The following STXBP4 variants were observed in gnomAD, a reference collection of about 807,000 sequenced individuals.
STXBP4 encodes the protein syntaxin-binding protein 4.
In STXBP4, 55 loss-of-function variants were observed where a neutral mutation model predicts 76.1. That is an observed-to-expected ratio of 0.72 (90% CI 0.58 to 0.91). The LOEUF (loss-of-function observed/expected upper bound fraction) is 0.91, where lower values mean the gene tolerates loss of function less well. STXBP4 is among the 40% of genes least tolerant of loss of function. The pLI is 0.00. For synonymous variants in STXBP4, 201 were observed against 220.2 expected (o/e 0.91, Z 0.77); for missense variants, 618 against 636.9 (o/e 0.97, Z 0.32).
intron 12 of STXBP4, among the ~76,000 whole-genome samples, chr17:55,049,602 T>A (rs922089929): frequency 4.0e-5 from 6 of 151,492 alleles, no homozygotes; most frequent in African/African-American, 7.3e-5. Context: ...AGAATGAAAA[T>A]ACAAACCTTC....
intron 16 of STXBP4, among the ~76,000 whole-genome samples, chr17:55,103,579 G>GTTT (rs36032034): frequency 0.011 from 1,532 of 143,406 alleles, 30 homozygotes; most frequent in African/African-American, 0.036. Flanking sequence ...CTCCAGTTTT[G>GTTT]TTTTTTTTTT....
the STXBP4 span, among the ~76,000 whole-genome samples, chr17:55,198,645 C>T: frequency 1.9e-4 from 29 of 152,104 alleles, no homozygotes; most frequent in African/African-American, 7.0e-4. Context: ...TTAAATATAA[C>T]GACTTTAAAT....
chr17:55,038,535 T>A (rs1234606168), intron 10 of STXBP4, among the ~76,000 whole-genome samples: 1 of 152,126 alleles, frequency 6.6e-6, no homozygotes, highest in East Asian at 1.9e-4. Context: ...GTTTGACAAC[T>A]TTTGGGTTTG....
the STXBP4 span, among the ~76,000 whole-genome samples, chr17:55,211,184 T>C: frequency 6.6e-6 from 1 of 152,166 alleles, no homozygotes; most frequent in African/African-American, 2.4e-5. Flanking sequence ...TTGAGCATCA[T>C]TCATTTCAAT....
intron 17 of STXBP4, among the ~76,000 whole-genome samples, chr17:55,154,657 A>T (rs1438577066): frequency 1.3e-5 from 2 of 152,096 alleles, no homozygotes; most frequent in Non-Finnish European, 2.9e-5. Context: ...TTTGTACCTG[A>T]CATGTTTTAG....
At chr17:55,069,153 CAAAAAAAAA>C in intron 12 of STXBP4, among the ~76,000 whole-genome samples, 1 of 75,828 alleles carries the variant, frequency 1.3e-5, no homozygotes. Flanking sequence ...TCAGTGTTGC[CAAAAAAAAA>C]AAAAAAAAAA....
chr17:54,990,692 C>A, intron 3 of STXBP4, 133 bp from the exon 4 acceptor site: 2 of 1,067,298 alleles, frequency 1.9e-6, no homozygotes, highest in Non-Finnish European at 1.3e-6. Context: ...TTCCATGAAA[C>A]AAGTCCCTGG....
At chr17:55,019,160 G>A (rs1157725114) in intron 8 of STXBP4, among the ~76,000 whole-genome samples, 2 of 152,068 alleles carry the variant, frequency 1.3e-5, no homozygotes, top group African/African-American at 4.8e-5. Flanking sequence ...AATATAGTTT[G>A]AAGTATTTCT....
downstream of STXBP4, among the ~76,000 whole-genome samples, chr17:55,178,282 G>T (rs368710437): frequency 2.0e-5 from 3 of 152,246 alleles, no homozygotes; most frequent in East Asian, 5.8e-4. Flanking sequence ...AATCCTGACG[G>T]TTCTTCAGCG....
At chr17:55,038,627 A>C (rs985861379) in intron 10 of STXBP4, among the ~76,000 whole-genome samples, 1 of 151,790 alleles carries the variant, frequency 6.6e-6, no homozygotes, top group Non-Finnish European at 1.5e-5. Context: ...AAATTCACAC[A>C]GTGCTACACC....
At chr17:55,116,430 A>G (rs556074517) in intron 16 of STXBP4, among the ~76,000 whole-genome samples, 3 of 151,908 alleles carry the variant, frequency 2.0e-5, no homozygotes, top group South Asian at 2.1e-4. Context: ...GCCATGTGAC[A>G]TGCCAAATTT....
intron 17 of STXBP4, among the ~76,000 whole-genome samples, chr17:55,144,554 G>C (rs976176286): frequency 6.6e-6 from 1 of 152,150 alleles, no homozygotes; most frequent in Non-Finnish European, 1.5e-5. Flanking sequence ...CAGTGTCCCT[G>C]TTCCTCTCCT....
intron 16 of STXBP4, among the ~76,000 whole-genome samples, chr17:55,119,929 G>A (rs916635624): frequency 2.0e-5 from 3 of 151,874 alleles, no homozygotes; most frequent in African/African-American, 7.3e-5. Context: ...TCTATAGCTA[G>A]CCTTTGTATT....
At chr17:55,155,558 T>G (rs1330911283) in intron 17 of STXBP4, among the ~76,000 whole-genome samples, 1 of 150,182 alleles carries the variant, frequency 6.7e-6, no homozygotes. Context: ...TTTTGGCTCT[T>G]TATTCCACAG....
At position 55,096,613 on chromosome 17, in the gene STXBP4, T is replaced by C. The variant is rs566104124; in HGVS notation, c.1489+15430T>C. On this transcript the variant is annotated intron_variant, in intron 16 of 17. Coordinates refer to ENST00000376352, the MANE Select transcript of STXBP4 (RefSeq NM_178509.6). The stretch of plus-strand genomic sequence containing the variant: ...TTTTTATTGGAAACTTTCATATTGC[T>C]TTTTTTTTTTTTTAAGAATAAGCAT... Among the ~76,000 whole-genome samples the C allele has an allele frequency of 9.5e-4, 132 of 139,524 alleles. 1 individual carries two copies. In the Middle Eastern group the frequency reaches 0.014, roughly 15 times the overall value. 91.5% of individuals were successfully genotyped at this position (139,524 alleles called of 152,430 possible).
chr17:55,107,105 C>A (rs1209061173), intron 16 of STXBP4, among the ~76,000 whole-genome samples: 1 of 152,144 alleles, frequency 6.6e-6, no homozygotes, highest in African/African-American at 2.4e-5. Flanking sequence ...TTTACATAGT[C>A]CCATATTTCT....
intron 1 of STXBP4, among the ~76,000 whole-genome samples, chr17:54,985,099 C>T (rs377106877): frequency 4.6e-4 from 70 of 152,232 alleles, no homozygotes; most frequent in Middle Eastern, 3.4e-3. Context: ...AAAAGTTTAA[C>T]TTTATTAAGC....
the STXBP4 span, among the ~76,000 whole-genome samples, chr17:55,194,596 G>T: frequency 4.1e-4 from 62 of 152,282 alleles, no homozygotes; most frequent in African/African-American, 1.2e-3. Flanking sequence ...TTAAGAAAAT[G>T]TTGTGGGATC....
intron 7 of STXBP4, among the ~76,000 whole-genome samples, chr17:55,002,938 G>T (rs2077944091): frequency 6.6e-6 from 1 of 152,080 alleles, no homozygotes; most frequent in African/African-American, 2.4e-5. Flanking sequence ...AATATTCTAG[G>T]TCATGTTTAT....
Sources: gnomAD v4.1 joint callset for allele counts (sites outside exome capture counted in the v4.1 genomes callset) on GRCh38, gnomAD v4.1.1 for gene constraint, MANE v1.5 for transcripts, NCBI Gene and HGNC (gene_info 2026-07-23, HGNC 2026-07-21) for gene names.